The following DLG2 variants were observed in gnomAD, a reference collection of about 807,000 sequenced individuals.
DLG2 encodes the protein discs large MAGUK scaffold protein 2.
DLG2 carries 45 observed loss-of-function variants against 132.5 expected under a neutral mutation model. That is an observed-to-expected ratio of 0.34 (90% CI 0.27 to 0.44). The LOEUF is 0.44. DLG2 is among the 20% of genes least tolerant of loss of function. DLG2 has a pLI of 1.00. For missense variants in DLG2, 1,045 were observed against 1,196.9 expected, an observed-to-expected ratio of 0.87 and a Z score of 1.87; for synonymous variants, 424 against 419.6, an observed-to-expected ratio of 1.01 and a Z score of -0.13.
intron 11 of DLG2, among the ~76,000 whole-genome samples, chr11:84,025,226 A>G (rs2095506933): frequency 1.3e-5 from 2 of 152,138 alleles, no homozygotes; most frequent in African/African-American, 4.8e-5. Context: ...GGGAGGCCTC[A>G]CAATCATGGT....
In DLG2 at chr11:84,827,676, C is replaced by CAAAAAAAAAA. The variant is rs398016953; in HGVS notation, c.357+283975_357+283984dup. ...AAGGCTGGAACTGAGTACATACAGT[C>CAAAAAAAAAA]AAAAAAAAAAAAAAAAAAAAAAGCC... On this transcript the variant is annotated intron_variant, in intron 6 of 27. Transcript: ENST00000376104. Among the ~76,000 whole-genome samples the CAAAAAAAAAA allele has an allele frequency of 3.3e-3, 116 of 35,080 alleles. 10 individuals carry two copies. The highest frequency in any genetic ancestry group is 0.012 in the African/African-American group (83 of 7,196). 23.0% of individuals were successfully genotyped at this position (35,080 alleles called of 152,430 possible).
chr11:84,044,242 A>C (rs2096182776), intron 11 of DLG2, among the ~76,000 whole-genome samples: 1 of 151,836 alleles, frequency 6.6e-6, no homozygotes, highest in African/African-American at 2.4e-5. Flanking sequence ...AAACATTAGA[A>C]CACCACCTAA....
chr11:84,141,812 T>G (rs2094860544), intron 9 of DLG2, among the ~76,000 whole-genome samples: 1 of 151,988 alleles, frequency 6.6e-6, no homozygotes, highest in South Asian at 2.1e-4. Context: ...TATCTACAGG[T>G]TTTTTTTAAT....
chr11:85,038,663 T>A (rs2061604809), intron 6 of DLG2, among the ~76,000 whole-genome samples: 1 of 152,122 alleles, frequency 6.6e-6, no homozygotes, highest in African/African-American at 2.4e-5. Flanking sequence ...TTAAAATAGT[T>A]TTCTAATACA....
intron 3 of DLG2, among the ~76,000 whole-genome samples, chr11:85,324,754 T>C (rs1014339602): frequency 3.7e-5 from 5 of 134,068 alleles, no homozygotes; most frequent in African/African-American, 5.2e-5. Context: ...GAAAAAGAAG[T>C]TGGGGAGGGA....
intron 4 of DLG2, among the ~76,000 whole-genome samples, chr11:85,202,497 A>G (rs2081544585): frequency 6.6e-6 from 1 of 152,144 alleles, no homozygotes; most frequent in Non-Finnish European, 1.5e-5. Flanking sequence ...CCAGATAGAA[A>G]AATCAACAAG....
intron 17 of DLG2, among the ~76,000 whole-genome samples, chr11:83,795,267 G>A (rs1413157107): frequency 6.6e-6 from 1 of 152,072 alleles, no homozygotes; most frequent in East Asian, 1.9e-4. Flanking sequence ...AATTAGCCAG[G>A]TGTGGTGGCA....
At chr11:85,227,909 C>T (rs1035272248) in intron 4 of DLG2, among the ~76,000 whole-genome samples, 1 of 152,060 alleles carries the variant, frequency 6.6e-6, no homozygotes, top group African/African-American at 2.4e-5. Flanking sequence ...ACTCCTGATT[C>T]GGCAACATCA....
chr11:83,556,148 T>C (rs2096512282), intron 19 of DLG2, among the ~76,000 whole-genome samples: 3 of 152,102 alleles, frequency 2.0e-5, no homozygotes, highest in Non-Finnish European at 4.4e-5. Context: ...CTGTTTATAT[T>C]AATAAGCAGA....
intron 19 of DLG2, among the ~76,000 whole-genome samples, chr11:83,608,783 T>C (rs2059709045): frequency 6.6e-6 from 1 of 152,002 alleles, no homozygotes; most frequent in Non-Finnish European, 1.5e-5. Context: ...ATACTACAGC[T>C]GGTTCTAATA....
intron 6 of DLG2, among the ~76,000 whole-genome samples, chr11:84,580,676 C>G (rs2099514249): frequency 1.3e-5 from 2 of 152,190 alleles, no homozygotes; most frequent in African/African-American, 4.8e-5. Flanking sequence ...CATTGAAACA[C>G]TAAAACGTGG....
At chr11:83,749,267 A>T (rs1280091560) in intron 18 of DLG2, among the ~76,000 whole-genome samples, 2 of 152,194 alleles carry the variant, frequency 1.3e-5, no homozygotes, top group African/African-American at 4.8e-5. Context: ...GTTCATCCTG[A>T]TAGCGTCTCC....
intron 10 of DLG2, among the ~76,000 whole-genome samples, chr11:84,081,881 GA>G (rs1217561964): frequency 3.9e-5 from 6 of 152,216 alleles, no homozygotes; most frequent in African/African-American, 7.2e-5. Context: ...CTAGTTCCCT[GA>G]GGAATCACCA....
intron 6 of DLG2, among the ~76,000 whole-genome samples, chr11:84,675,715 C>CT (rs2099710535): frequency 3.3e-5 from 5 of 152,074 alleles, no homozygotes; most frequent in Non-Finnish European, 7.4e-5. Flanking sequence ...TTTAGCCTTC[C>CT]TTTTTGGTAG....
intron 11 of DLG2, among the ~76,000 whole-genome samples, chr11:83,981,534 C>A (rs984270182): frequency 2.0e-5 from 3 of 152,012 alleles, no homozygotes; most frequent in African/African-American, 4.8e-5. Flanking sequence ...CTCTGCCTCC[C>A]GGCTTCAAGC....
intron 6 of DLG2, among the ~76,000 whole-genome samples, chr11:85,047,257 C>A (rs2062436585): frequency 6.6e-6 from 1 of 152,030 alleles, no homozygotes; most frequent in Non-Finnish European, 1.5e-5. Context: ...ATCTTAATTT[C>A]CTCATTAAGT....
chr11:84,050,490 T>C (rs370791662), intron 11 of DLG2, among the ~76,000 whole-genome samples: 1 of 152,030 alleles, frequency 6.6e-6, no homozygotes. Context: ...CTGATGGTAG[T>C]TTCTTTCGCT....
intron 9 of DLG2, among the ~76,000 whole-genome samples, chr11:84,115,512 C>T (rs914656860): frequency 8.5e-5 from 13 of 152,286 alleles, no homozygotes; most frequent in Admixed American, 6.5e-5. Context: ...ATTTAAGTCA[C>T]GGACACCTGT....
intron 4 of DLG2, among the ~76,000 whole-genome samples, chr11:85,226,158 T>C (rs1000940046): frequency 6.7e-6 from 1 of 148,864 alleles, no homozygotes; most frequent in African/African-American, 2.5e-5. Flanking sequence ...ATAATTTTTA[T>C]AATAAAAATA....
Sources: gnomAD v4.1 joint callset for allele counts (sites outside exome capture counted in the v4.1 genomes callset) on GRCh38, gnomAD v4.1.1 for gene constraint, MANE v1.5 for transcripts, NCBI Gene and HGNC (gene_info 2026-07-23, HGNC 2026-07-21) for gene names.